TAFA5: variants seen among roughly 807,000 people sequenced by gnomAD.
The protein encoded by TAFA5 is TAFA chemokine like family member 5.
In TAFA5, 6 loss-of-function variants were observed where a neutral mutation model predicts 15.3. The ratio of observed to expected loss-of-function variants is 0.39; its 90% CI spans 0.21 to 0.77. The LOEUF (loss-of-function observed/expected upper bound fraction) is 0.77, where lower values mean the gene tolerates loss of function less well. Ranked by LOEUF, TAFA5 falls within the 30% of genes least tolerant of loss-of-function variation. The pLI, the probability that TAFA5 is intolerant of heterozygous loss-of-function variation, is 0.41. For missense variants in TAFA5, 161 were observed against 193.1 expected (o/e 0.83, Z 0.98); for synonymous variants, 103 against 80.7 (o/e 1.28, Z -1.48).
intron 2 of TAFA5, among the ~76,000 whole-genome samples, chr22:48,698,014 C>T (rs757755663): frequency 1.1e-4 from 16 of 146,242 alleles, no homozygotes; most frequent in East Asian, 4.2e-4. Flanking sequence ...GATGGTGCGA[C>T]GATGATGGTG....
chr22:48,650,297 C>T (rs999347390), intron 2 of TAFA5, among the ~76,000 whole-genome samples: 3 of 152,142 alleles, frequency 2.0e-5, no homozygotes, highest in East Asian at 3.9e-4. Context: ...GTCCATTGGT[C>T]GGTTTCTTAA....
intron 1 of TAFA5, among the ~76,000 whole-genome samples, chr22:48,612,966 T>A (rs1569047721): frequency 6.6e-6 from 1 of 152,120 alleles, no homozygotes; most frequent in African/African-American, 2.4e-5. Context: ...GAGTTTTGAA[T>A]GTGAGCATGT....
chr22:48,495,318 T>C (rs532745463), intron 1 of TAFA5, among the ~76,000 whole-genome samples: 1 of 152,266 alleles, frequency 6.6e-6, no homozygotes, highest in Non-Finnish European at 1.5e-5. Context: ...GGGGCAGAGA[T>C]GGTCACTCTC....
intron 1 of TAFA5, among the ~76,000 whole-genome samples, chr22:48,599,587 G>A (rs1335520435): frequency 1.3e-5 from 2 of 152,240 alleles, no homozygotes; most frequent in Admixed American, 6.5e-5. Flanking sequence ...AGGGCCTGAT[G>A]TGGCAGCCCT....
chr22:48,680,061 C>T (rs1485879757), intron 2 of TAFA5, among the ~76,000 whole-genome samples: 3 of 152,206 alleles, frequency 2.0e-5, no homozygotes, highest in Admixed American at 6.5e-5. Flanking sequence ...TCAACCGGCA[C>T]CCACCCGTGG....
At chr22:48,686,852 C>G (rs757978056) in intron 2 of TAFA5, among the ~76,000 whole-genome samples, 1 of 135,346 alleles carries the variant, frequency 7.4e-6, no homozygotes, top group Non-Finnish European at 1.6e-5. Context: ...GATGGATGGA[C>G]TAATGGATGG....
chr22:48,655,384 A>G (rs938724957), intron 2 of TAFA5, among the ~76,000 whole-genome samples: 2 of 152,194 alleles, frequency 1.3e-5, no homozygotes, highest in African/African-American at 4.8e-5. Flanking sequence ...TAAAGAAAAG[A>G]AATTTATTTT....
chr22:48,748,615 C>G (rs559591513), intron 3 of TAFA5, among the ~76,000 whole-genome samples: 4 of 152,202 alleles, frequency 2.6e-5, no homozygotes, highest in Non-Finnish European at 5.9e-5. Flanking sequence ...AGTGTGGGTT[C>G]TAATCCCACA....
At chr22:48,631,959 C>T (rs926674337) in intron 1 of TAFA5, among the ~76,000 whole-genome samples, 1 of 152,184 alleles carries the variant, frequency 6.6e-6, no homozygotes, top group Non-Finnish European at 1.5e-5. Context: ...CCAGGCAGTA[C>T]GGGTGGCAGG....
chr22:48,639,699 C>T (rs956317597), intron 1 of TAFA5, among the ~76,000 whole-genome samples: 29 of 152,178 alleles, frequency 1.9e-4, no homozygotes, highest in Admixed American at 3.3e-4. Context: ...AAGGGGGTAC[C>T]GCTTGTCTCC....
At chr22:48,629,842 A>T (rs953499381) in intron 1 of TAFA5, among the ~76,000 whole-genome samples, 2 of 150,846 alleles carry the variant, frequency 1.3e-5, no homozygotes, top group African/African-American at 5.0e-5. Flanking sequence ...AGCCCCCTGG[A>T]TGGGAGAGGG....
At chr22:48,648,473 G>A (rs931405648) in intron 2 of TAFA5, among the ~76,000 whole-genome samples, 6 of 152,194 alleles carry the variant, frequency 3.9e-5, no homozygotes, top group African/African-American at 1.4e-4. Flanking sequence ...CATGGAGAAG[G>A]GATGGGGCGT....
At chr22:48,695,660 C>A (rs1377749308) in intron 2 of TAFA5, among the ~76,000 whole-genome samples, 2 of 152,158 alleles carry the variant, frequency 1.3e-5, no homozygotes, top group Non-Finnish European at 2.9e-5. Flanking sequence ...ATTGGCTTCT[C>A]TTCATGGGTT....
chr22:48,499,612 G>A (rs1217401374), intron 1 of TAFA5, among the ~76,000 whole-genome samples: 1 of 152,220 alleles, frequency 6.6e-6, no homozygotes, highest in Non-Finnish European at 1.5e-5. Flanking sequence ...TGGCGCCGGG[G>A]TCAGCCGGCC....
At chr22:48,578,303 G>T (rs1263160802) in intron 1 of TAFA5, among the ~76,000 whole-genome samples, 1 of 152,242 alleles carries the variant, frequency 6.6e-6, no homozygotes, top group Non-Finnish European at 1.5e-5. Context: ...TGGCCGGCCT[G>T]TGACAAGGGC....
chr22:48,526,111 T>C (rs1310710680), intron 1 of TAFA5, among the ~76,000 whole-genome samples: 2 of 152,206 alleles, frequency 1.3e-5, no homozygotes, highest in African/African-American at 2.4e-5. Context: ...ACCTTACCAA[T>C]GGAGAAACTA....
At chr22:48,664,772 G>A (rs1278617738) in intron 2 of TAFA5, among the ~76,000 whole-genome samples, 1 of 152,156 alleles carries the variant, frequency 6.6e-6, no homozygotes, top group African/African-American at 2.4e-5. Context: ...GTCATGTGTG[G>A]TGACAATCTG....
intron 1 of TAFA5, among the ~76,000 whole-genome samples, chr22:48,614,518 G>A (rs1925526937): frequency 6.6e-6 from 1 of 152,192 alleles, no homozygotes; most frequent in African/African-American, 2.4e-5. Context: ...TCCCGGGCAA[G>A]GCAGGAGGAC....
chr22:48,637,789 C>T (rs1926504034), intron 1 of TAFA5, among the ~76,000 whole-genome samples: 1 of 151,960 alleles, frequency 6.6e-6, no homozygotes, highest in Non-Finnish European at 1.5e-5. Flanking sequence ...AACACTTTCA[C>T]AGCCACTCCC....
Sources: gnomAD v4.1 joint callset for allele counts (sites outside exome capture counted in the v4.1 genomes callset) on GRCh38, gnomAD v4.1.1 for gene constraint, MANE v1.5 for transcripts, NCBI Gene and HGNC (gene_info 2026-07-23, HGNC 2026-07-21) for gene names.